The following HTR1E variants were observed in gnomAD, a reference collection of about 807,000 sequenced individuals.
HTR1E encodes the protein 5-hydroxytryptamine receptor 1E, also known as 5-HT-1E.
A neutral mutation model predicts 3.4 loss-of-function variants in HTR1E; 3 were observed. The observed-to-expected ratio is 0.89, with a 90% confidence interval of 0.41 to 2.31. The LOEUF (loss-of-function observed/expected upper bound fraction) is 2.31. Ranked by LOEUF, HTR1E falls within the 30% of genes most tolerant of loss-of-function variation. The pLI, the probability that HTR1E is intolerant of heterozygous loss-of-function variation, is 0.05. For missense variants in HTR1E, 392 were observed against 467.0 expected (o/e 0.84, Z 1.48); for synonymous variants, 170 against 182.8 (o/e 0.93, Z 0.56).
chr6:86,958,317 A>G (rs1487047264), intron 1 of HTR1E, among the ~76,000 whole-genome samples: 34 of 152,096 alleles, frequency 2.2e-4, no homozygotes, highest in Admixed American at 2.2e-3. Flanking sequence ...CTTGGCCTCA[A>G]TAGAGGCATT....
intron 1 of HTR1E, among the ~76,000 whole-genome samples, chr6:86,986,251 TCA>T (rs1220360641): frequency 6.6e-6 from 1 of 152,218 alleles, no homozygotes; most frequent in Non-Finnish European, 1.5e-5. Flanking sequence ...ATGCTTTTTT[TCA>T]CAGGAGAAAA....
chr6:87,008,205 A>G (rs761275965), intron 1 of HTR1E, among the ~76,000 whole-genome samples: 1 of 152,158 alleles, frequency 6.6e-6, no homozygotes, highest in Non-Finnish European at 1.5e-5. Context: ...AGAATAAAGA[A>G]TCCCACGCTG....
intron 1 of HTR1E, among the ~76,000 whole-genome samples, chr6:87,007,495 CAAAG>C (rs1161028487): frequency 2.6e-5 from 4 of 151,916 alleles, no homozygotes; most frequent in African/African-American, 7.3e-5. Context: ...TTTTGTAACA[CAAAG>C]AAAGAATAAA....
At chr6:86,960,040 A>G (rs1045555216) in intron 1 of HTR1E, among the ~76,000 whole-genome samples, 1 of 152,220 alleles carries the variant, frequency 6.6e-6, no homozygotes, top group Non-Finnish European at 1.5e-5. Flanking sequence ...GCACACTGGG[A>G]AAGTTATCCA....
chr6:86,991,789 GTGTAGCGGC>G (rs1767872435), intron 1 of HTR1E, among the ~76,000 whole-genome samples: 1 of 152,180 alleles, frequency 6.6e-6, no homozygotes, highest in South Asian at 2.1e-4. Context: ...AAACACAAAT[GTGTAGCGGC>G]TGTCCAATAA....
At chr6:86,962,980 A>G (rs1767429450) in intron 1 of HTR1E, among the ~76,000 whole-genome samples, 1 of 152,224 alleles carries the variant, frequency 6.6e-6, no homozygotes. Context: ...CCTTCTACTC[A>G]TTAAAAAAAT....
At chr6:86,973,441 A>T (rs1195331692) in intron 1 of HTR1E, among the ~76,000 whole-genome samples, 1 of 151,876 alleles carries the variant, frequency 6.6e-6, no homozygotes, top group Admixed American at 6.6e-5. Flanking sequence ...TTACAGCTAT[A>T]CCCCGCTCCA....
Position 87,016,173 on chromosome 6 carries a change from A to G in HTR1E, c.839A>G (p.Gln280Arg), listed in dbSNP as rs1166424141. Reference protein sequence around the residue: ...NDLDHPGERQQISSTRERKAA... With the variant: ...NDLDHPGERQRISSTRERKAA... ...CTAGATCACCCAGGAGAACGTCAGCAGATCTCTAGCACCAGGGAACGGAAG... is the reference window on the plus strand; with the variant it reads ...CTAGATCACCCAGGAGAACGTCAGCGGATCTCTAGCACCAGGGAACGGAAG... The change falls in exon 2 of 2, where the codon CAG (glutamine) becomes CGG (arginine). Residue 280 changes from glutamine (Q) to arginine (R), a missense_variant. Physicochemically the swap from Gln to Arg is conservative, Grantham distance 43 (BLOSUM62 1). This residue lies in a region of HTR1E where 178 missense variants were observed against 164.9 expected (regional missense o/e 1.08). Transcript: ENST00000305344. 6.2e-7 allele frequency: 1 copy of G among 1,614,196 alleles called. No homozygotes were observed. Among genetic ancestry groups the G allele is most frequent in the Non-Finnish European group, 8.5e-7 (1 of 1,180,032 alleles).
At chr6:86,958,718 G>A (rs1251961454) in intron 1 of HTR1E, among the ~76,000 whole-genome samples, 1 of 152,218 alleles carries the variant, frequency 6.6e-6, no homozygotes, top group Admixed American at 6.5e-5. Context: ...AAAAATGGCA[G>A]TGGGCCCAAG....
At position 86,988,292 on chromosome 6, in the gene HTR1E, C is replaced by T. The variant is rs541825364; in HGVS notation, c.-185-26858C>T. On this transcript the variant is annotated intron_variant, in intron 1 of 1. Transcript: ENST00000305344. ...CTATGAGTTTACCACGGGAAGTACA[C>T]TGCAAAGAACTAACTCTGAAAATCT... 5.3e-5 allele frequency among the ~76,000 whole-genome samples: 8 copies of T among 152,256 alleles called. No individual in the cohort carries two copies. In the East Asian group the frequency reaches 1.2e-3, roughly 22 times the overall value.
Position 86,975,945 on chromosome 6 carries a change from A to T in HTR1E, c.-186+38122A>T, listed in dbSNP as rs531459933. On this transcript the variant is annotated intron_variant, in intron 1 of 1. Coordinates refer to ENST00000305344, the MANE Select transcript of HTR1E (RefSeq NM_000865.3). ...CACACACACACACACACACACACAC[A>T]CACTCTCTCTCTCTCTCCCATTCCT... 5.7e-3 allele frequency among the ~76,000 whole-genome samples: 801 copies of T among 141,624 alleles called. 5 individuals are homozygous for T. The highest frequency in any genetic ancestry group is 0.017 in the African/African-American group (642 of 37,280). 92.9% of individuals were successfully genotyped at this position (141,624 alleles called of 152,430 possible). A position where few individuals can be genotyped will look rare whatever the true frequency, so the allele number is the denominator to read the frequency against.
At chr6:86,987,160 A>G (rs1378586748) in intron 1 of HTR1E, among the ~76,000 whole-genome samples, 1 of 152,174 alleles carries the variant, frequency 6.6e-6, no homozygotes, top group Non-Finnish European at 1.5e-5. Flanking sequence ...ATTCACAGCA[A>G]TTCTCATGCT....
intron 1 of HTR1E, among the ~76,000 whole-genome samples, chr6:87,000,903 G>C (rs946619739): frequency 6.6e-6 from 1 of 152,180 alleles, no homozygotes; most frequent in Non-Finnish European, 1.5e-5. Flanking sequence ...GAAAGATTAA[G>C]AGATAATCTA....
intron 1 of HTR1E, among the ~76,000 whole-genome samples, chr6:86,943,635 G>T (rs1768574271): frequency 6.6e-6 from 1 of 152,140 alleles, no homozygotes; most frequent in Admixed American, 6.5e-5. Flanking sequence ...CACAGCATGG[G>T]GCTCAAGCCC....
chr6:87,010,366 T>C (rs1300808533), intron 1 of HTR1E, among the ~76,000 whole-genome samples: 90 of 95,138 alleles, frequency 9.5e-4, no homozygotes, highest in East Asian at 2.3e-3. Context: ...GGCGGGGGGC[T>C]GACCCCCCCA....
intron 1 of HTR1E, among the ~76,000 whole-genome samples, chr6:86,999,518 C>G (rs1359959247): frequency 6.6e-6 from 1 of 152,156 alleles, no homozygotes; most frequent in African/African-American, 2.4e-5. Context: ...TAAACATTTT[C>G]CCATGTGACT....
At chr6:86,951,542 C>T (rs926913668) in intron 1 of HTR1E, among the ~76,000 whole-genome samples, 6 of 152,240 alleles carry the variant, frequency 3.9e-5, no homozygotes, top group Non-Finnish European at 7.4e-5. Context: ...GATTTATAAA[C>T]TCCAAGAACA....
At chr6:87,002,474 A>G (rs1768039006) in intron 1 of HTR1E, among the ~76,000 whole-genome samples, 1 of 152,162 alleles carries the variant, frequency 6.6e-6, no homozygotes, top group Non-Finnish European at 1.5e-5. Context: ...ATTTGTCCGC[A>G]CCCACATCCT....
intron 1 of HTR1E, among the ~76,000 whole-genome samples, chr6:86,944,009 G>T (rs1047982609): frequency 3.3e-5 from 5 of 152,110 alleles, no homozygotes; most frequent in Admixed American, 3.3e-4. Flanking sequence ...TTCCAAGCTC[G>T]CTCACGTGGC....
Sources: allele counts gnomAD v4.1 joint callset (sites outside exome capture counted in the v4.1 genomes callset), GRCh38; gene constraint gnomAD v4.1.1; regional missense constraint gnomAD v4.1.1; transcripts MANE v1.5; gene names NCBI Gene and HGNC (gene_info 2026-07-23, HGNC 2026-07-21).